The following HOOK1 variants were observed in gnomAD, a reference collection of about 807,000 sequenced individuals.
HOOK1 encodes protein Hook homolog 1.
In HOOK1, 60 loss-of-function variants were observed where a neutral mutation model predicts 112.8. That is an observed-to-expected ratio of 0.53 (90% CI 0.43 to 0.66). The LOEUF is 0.66. HOOK1 is among the 30% of genes least tolerant of loss of function. The pLI is 0.00. For synonymous variants in HOOK1, 294 were observed against 283.8 expected, an observed-to-expected ratio of 1.04 and a Z score of -0.36; for missense variants, 770 against 856.0, an observed-to-expected ratio of 0.90 and a Z score of 1.25.
At chr1:59,829,533 CAGGATGTATG>C (rs1433911636) in intron 3 of HOOK1, among the ~76,000 whole-genome samples, 9 of 152,116 alleles carry the variant, frequency 5.9e-5, no homozygotes, top group Non-Finnish European at 1.2e-4. Context: ...TTGTTTCATA[CAGGATGTATG>C]ATTTGTTGAT....
chr1:59,853,354 T>G (rs576782973), intron 12 of HOOK1, among the ~76,000 whole-genome samples: 2 of 152,208 alleles, frequency 1.3e-5, no homozygotes, highest in African/African-American at 4.8e-5. Flanking sequence ...AATGTCTGTC[T>G]TTTTTCTGGT....
At chr1:59,820,311 C>T (rs918591028) in intron 1 of HOOK1, among the ~76,000 whole-genome samples, 1 of 152,144 alleles carries the variant, frequency 6.6e-6, no homozygotes, top group African/African-American at 2.4e-5. Flanking sequence ...ATTCCCCAAC[C>T]ATCTTGTGAG....
intron 14 of HOOK1, 64 bp downstream of exon 14, chr1:59,859,109 ATGTCT>A: frequency 2.9e-6 from 2 of 698,830 alleles, no homozygotes; most frequent in Non-Finnish European, 4.1e-6. Context: ...TTTTTTGTAA[ATGTCT>A]TGGCCTTTAA....
chr1:59,875,944 C>T lies in HOOK1; in HGVS notation c.*2979C>T, dbSNP rs775308754. The stretch of plus-strand genomic sequence containing the variant: ...GTTAGATAATGTTTCCACATCTATA[C>T]CTATTTCTTTCTAGGGCACTTCTGA... On this transcript the variant is annotated 3_prime_UTR_variant, in exon 22 of 22. Transcript: ENST00000371208. The T allele has an allele frequency of 1.6e-4, 25 of 152,546 alleles. No individual in the cohort carries two copies. Among genetic ancestry groups the T allele is most frequent in the Non-Finnish European group, 2.9e-4 (20 of 68,022 alleles). 9.4% of individuals were successfully genotyped at this position (152,546 alleles called of 1,614,324 possible).
At chr1:59,840,273 C>A (rs770974268) in intron 7 of HOOK1, 35 bp from the exon 8 acceptor site, 1 of 1,434,570 alleles carries the variant, frequency 7.0e-7, no homozygotes. Flanking sequence ...TGTCAAAACA[C>A]GATTTACTAA....
chr1:59,818,204 A>AT (rs2098382973), intron 1 of HOOK1, among the ~76,000 whole-genome samples: 1 of 152,190 alleles, frequency 6.6e-6, no homozygotes, highest in Non-Finnish European at 1.5e-5. Flanking sequence ...GAACACACAC[A>AT]TTTGTCATGA....
intron 9 of HOOK1, among the ~76,000 whole-genome samples, chr1:59,844,972 T>C (rs2098402901): frequency 2.0e-5 from 3 of 151,996 alleles, no homozygotes; most frequent in South Asian, 2.1e-4. Flanking sequence ...AATTCACTTA[T>C]TGAGCTGGTA....
At chr1:59,858,598 T>C (rs2098411892) in intron 13 of HOOK1, 83 bp downstream of exon 13, 1 of 901,500 alleles carries the variant, frequency 1.1e-6, no homozygotes, top group Non-Finnish European at 1.8e-6. Context: ...ACTTAACCTG[T>C]CATGGTGGCG....
intron 1 of HOOK1, among the ~76,000 whole-genome samples, chr1:59,821,154 A>G (rs1238836586): frequency 3.9e-5 from 6 of 152,212 alleles, no homozygotes; most frequent in Non-Finnish European, 8.8e-5. Flanking sequence ...TAGAAAGTTT[A>G]TGATCCATTT....
chr1:59,860,447 G>T, intron 15 of HOOK1, 119 bp downstream of exon 15: 1 of 886,520 alleles, frequency 1.1e-6, no homozygotes. Context: ...CCTAGAAATA[G>T]TTTAATATTT....
At chr1:59,846,153 A>G (rs2098403658) in intron 9 of HOOK1, among the ~76,000 whole-genome samples, 1 of 151,794 alleles carries the variant, frequency 6.6e-6, no homozygotes, top group Non-Finnish European at 1.5e-5. Context: ...TCTTCATAAT[A>G]TTCTCTTCTT....
chr1:59,829,455 A>C (rs1189825310), intron 3 of HOOK1, among the ~76,000 whole-genome samples: 1 of 152,120 alleles, frequency 6.6e-6, no homozygotes, highest in African/African-American at 2.4e-5. Context: ...GTATGTGCTT[A>C]ACCTTATAAG....
rs910991242 is a variant in HOOK1 at position 59,873,849 on chromosome 1, T to C, written c.*884T>C. On this transcript the variant is annotated 3_prime_UTR_variant, in exon 22 of 22. Coordinates refer to ENST00000371208, the MANE Select transcript of HOOK1 (RefSeq NM_015888.6). Reference sequence around the variant, plus strand: ...TTTTAAGCATAAAGTTGTATTTAGCTTCTGCTGAAAAATTGTATCATATAA... The same window carrying C: ...TTTTAAGCATAAAGTTGTATTTAGCCTCTGCTGAAAAATTGTATCATATAA... The C allele has an allele frequency of 5.3e-5, 8 of 150,420 alleles. No homozygotes were observed. Among genetic ancestry groups the C allele is most frequent in the Non-Finnish European group, 7.4e-5 (5 of 67,648 alleles). 9.3% of individuals were successfully genotyped at this position (150,420 alleles called of 1,614,324 possible). A position where few individuals can be genotyped will look rare whatever the true frequency, so the allele number is the denominator to read the frequency against.
chr1:59,872,108 T>C (rs1185292871), intron 21 of HOOK1, among the ~76,000 whole-genome samples: 4 of 152,230 alleles, frequency 2.6e-5, no homozygotes, highest in Non-Finnish European at 4.4e-5. Context: ...TTGTTGAGCA[T>C]CTAATATCCA....
At chr1:59,841,738 G>A (rs1399857079) in intron 8 of HOOK1, among the ~76,000 whole-genome samples, 1 of 152,100 alleles carries the variant, frequency 6.6e-6, no homozygotes, top group African/African-American at 2.4e-5. Context: ...TCTAGGTACA[G>A]TCTTCTGAGA....
Position 59,871,102 on chromosome 1 carries a change from TATA to T in HOOK1, c.2013_2015del (p.Asn671del), listed in dbSNP as rs1287102140. 1 of 1,610,634 alleles carries T rather than the reference TATA, an allele frequency of 6.2e-7. No individual in the cohort carries two copies. ...AGAAAAACTCATTGTTTCTGCGTGGTATAATAAGGTGAGCTGAAGTTCAGCAAA... is the reference window on the plus strand; with the variant it reads ...AGAAAAACTCATTGTTTCTGCGTGGTATAAGGTGAGCTGAAGTTCAGCAAA... On this transcript the variant is annotated inframe_deletion, in exon 21 of 22. Coordinates refer to ENST00000371208, the MANE Select transcript of HOOK1 (RefSeq NM_015888.6).
At chr1:59,855,966 T>TTATATA (rs1216966680) in intron 12 of HOOK1, among the ~76,000 whole-genome samples, 22 of 71,254 alleles carry the variant, frequency 3.1e-4, no homozygotes, top group East Asian at 1.8e-3. Flanking sequence ...ATATAAATTA[T>TTATATA]TATATATATA....
chr1:59,828,631 A>T (rs1388206402), intron 2 of HOOK1, 149 bp from the exon 3 acceptor site: 1 of 561,974 alleles, frequency 1.8e-6, no homozygotes. Context: ...ATAACTTAAT[A>T]TGATAAATTA....
At chr1:59,855,984 ATTT>A (rs1167413179) in intron 12 of HOOK1, among the ~76,000 whole-genome samples, 10 of 60,282 alleles carry the variant, frequency 1.7e-4, no homozygotes, top group African/African-American at 9.2e-4. Context: ...ATATATATAT[ATTT>A]TTTTTTTTTT....
Sources: allele counts gnomAD v4.1 joint callset (sites outside exome capture counted in the v4.1 genomes callset), GRCh38; gene constraint gnomAD v4.1.1; transcripts MANE v1.5; gene names NCBI Gene and HGNC (gene_info 2026-07-23, HGNC 2026-07-21).